CCDC150: variants seen among roughly 807,000 people sequenced by gnomAD.
CCDC150 encodes the protein coiled-coil domain containing 150, also known as coiled-coil domain-containing protein 150.
CCDC150 carries 151 observed loss-of-function variants against 156.5 expected under a neutral mutation model. The ratio of observed to expected loss-of-function variants is 0.97; its 90% CI spans 0.85 to 1.10. The LOEUF (loss-of-function observed/expected upper bound fraction) is 1.10. Among genes scored for constraint, CCDC150 ranks in the 50% least tolerant of loss-of-function variants. CCDC150 has a pLI of 0.00. For synonymous variants in CCDC150, 452 were observed against 429.4 expected, an observed-to-expected ratio of 1.05 and a Z score of -0.65; for missense variants, 1,312 against 1,268.1, an observed-to-expected ratio of 1.03 and a Z score of -0.53.
rs750478936 is a variant in CCDC150 at position 196,730,984 on chromosome 2, C to T, written c.3069+39C>T. On this transcript the variant is annotated intron_variant, in intron 26 of 27. Transcript: ENST00000389175. ...ACGGACATAAAGACTTAGACGTTTC[C>T]TTCAACACAGCAACCCTGAAGCAAC... The T allele has an allele frequency of 6.7e-6, 10 of 1,496,898 alleles. No homozygotes were observed. The East Asian group carries it at 2.2e-4, about 32-fold the overall frequency. The allele number at this position is 1,496,898 out of a possible 1,614,324, so 92.7% of individuals were successfully genotyped here.
chr2:196,661,395 G>C (rs1452063021), intron 5 of CCDC150, among the ~76,000 whole-genome samples: 1 of 152,044 alleles, frequency 6.6e-6, no homozygotes, highest in East Asian at 1.9e-4. Context: ...CTTCTAACTG[G>C]GTCCTCACAT....
At chr2:196,695,919 T>TA (rs1284124331) in intron 14 of CCDC150, among the ~76,000 whole-genome samples, 1 of 152,244 alleles carries the variant, frequency 6.6e-6, no homozygotes, top group African/African-American at 2.4e-5. Context: ...GAAAAAGTAT[T>TA]ACTTACTTGC....
intron 21 of CCDC150, 104 bp downstream of exon 21, chr2:196,721,795 C>A: frequency 1.1e-6 from 1 of 927,160 alleles, no homozygotes; most frequent in Non-Finnish European, 1.6e-6. Flanking sequence ...ACTCTTTTCT[C>A]CTACTTTGCC....
intron 13 of CCDC150, among the ~76,000 whole-genome samples, chr2:196,681,588 A>G (rs1694822012): frequency 1.3e-5 from 2 of 152,214 alleles, no homozygotes; most frequent in Non-Finnish European, 2.9e-5. Context: ...CATTCTCACC[A>G]GCGATGTACA....
intron 14 of CCDC150, among the ~76,000 whole-genome samples, chr2:196,695,907 A>G (rs946026294): frequency 6.6e-6 from 1 of 152,226 alleles, no homozygotes; most frequent in African/African-American, 2.4e-5. Context: ...TTTCGAATAC[A>G]TGAAAAAGTA....
At chr2:196,709,799 C>T (rs951073076) in intron 15 of CCDC150, among the ~76,000 whole-genome samples, 4 of 152,174 alleles carry the variant, frequency 2.6e-5, no homozygotes, top group African/African-American at 9.7e-5. Flanking sequence ...TGTTGGAGGT[C>T]CACTCCAGAC....
chr2:196,711,468 T>G (rs1035114683), intron 15 of CCDC150, among the ~76,000 whole-genome samples: 1 of 152,112 alleles, frequency 6.6e-6, no homozygotes, highest in Admixed American at 6.6e-5. Flanking sequence ...TTCGGTAACG[T>G]TAATTGTTGT....
chr2:196,718,173 A>G (rs567138718), intron 17 of CCDC150: 22 of 158,572 alleles, frequency 1.4e-4, no homozygotes, highest in Non-Finnish European at 2.6e-4. Context: ...TGCTTTTATA[A>G]TATCAATTTG....
At chr2:196,644,844 A>T (rs1322720767) in intron 1 of CCDC150, among the ~76,000 whole-genome samples, 1 of 151,946 alleles carries the variant, frequency 6.6e-6, no homozygotes, top group East Asian at 1.9e-4. Flanking sequence ...GCTGGGCGTG[A>T]TGGCTCATGC....
In CCDC150 at chr2:196,656,991, A is replaced by C. The variant is rs1423350962; in HGVS notation, c.431A>C (p.Glu144Ala). The C allele has an allele frequency of 1.2e-6, 2 of 1,613,680 alleles. No homozygotes were observed. The highest frequency in any genetic ancestry group is 3.3e-5 in the Admixed American group (2 of 59,944). Residue 144 changes from glutamate (E) to alanine (A), a missense_variant, in exon 4 of 28, where the codon GAA becomes GCA. Coordinates refer to ENST00000389175, the MANE Select transcript of CCDC150 (RefSeq NM_001080539.2). ...AAAGATCGACTGAATGCAATACAGGAAGAGCATTCTAAGGACCTGAAGCTG... is the reference window on the plus strand; with the variant it reads ...AAAGATCGACTGAATGCAATACAGGCAGAGCATTCTAAGGACCTGAAGCTG... ...FLKDRLNAIQEEHSKDLKLLH... is the reference protein window; with the variant it reads ...FLKDRLNAIQAEHSKDLKLLH...
At chr2:196,659,691 A>G (rs1693437143) in intron 5 of CCDC150, among the ~76,000 whole-genome samples, 1 of 152,118 alleles carries the variant, frequency 6.6e-6, no homozygotes, top group African/African-American at 2.4e-5. Context: ...TTTTTAGGGC[A>G]GTTTTAGGTT....
chr2:196,694,287 C>G (rs574086552), intron 13 of CCDC150, among the ~76,000 whole-genome samples: 2 of 152,072 alleles, frequency 1.3e-5, no homozygotes, highest in African/African-American at 4.8e-5. Flanking sequence ...AACTCTTGAC[C>G]TCAGGTGATC....
At chr2:196,654,995 G>T (rs1023861114) in intron 2 of CCDC150, among the ~76,000 whole-genome samples, 1 of 152,184 alleles carries the variant, frequency 6.6e-6, no homozygotes, top group African/African-American at 2.4e-5. Context: ...TTAGTACCAT[G>T]AGAGCAGTAA....
chr2:196,669,300 C>T (rs1694054820), intron 7 of CCDC150, among the ~76,000 whole-genome samples: 1 of 152,120 alleles, frequency 6.6e-6, no homozygotes, highest in South Asian at 2.1e-4. Flanking sequence ...CCCTATTTAG[C>T]TGAAGAGTCC....
At chr2:196,725,100 G>A (rs10173022) in intron 21 of CCDC150, among the ~76,000 whole-genome samples, 2,147 of 152,252 alleles carry the variant, frequency 0.014, 45 homozygotes, top group African/African-American at 0.05. Flanking sequence ...AGAGACACGT[G>A]GAGAACATGG....
rs1224566988 is a variant in CCDC150 at position 196,712,746 on chromosome 2, G to C, written c.1866+7G>C. ...AGATGCTCACCTGAAAGAAGTATTG[G>C]TAATGAAAGTGCTTACTTGTCAGCA... On this transcript the variant is annotated splice_region_variant and intron_variant, in intron 17 of 27. Coordinates refer to ENST00000389175, the MANE Select transcript of CCDC150 (RefSeq NM_001080539.2). 2 of 1,603,990 alleles carry C rather than the reference G, an allele frequency of 1.2e-6. No homozygotes were observed. The highest frequency in any genetic ancestry group is 1.7e-6 in the Non-Finnish European group (2 of 1,173,578).
At position 196,720,581 on chromosome 2, in the gene CCDC150, C is replaced by T. The variant is rs752523007; in HGVS notation, c.2172C>T (p.Leu724=). ...TTGTGCTTTTTATTTTTAGGGATCT[C>T]AATCAACAGAGGGTGCAGAAGCTGG... ...EIAGLKKERD[L]NQQRVQKLEA... The change falls in exon 20 of 28, where the codon CTC becomes CTT. Residue 724 remains leucine (L), a synonymous_variant. Coordinates refer to ENST00000389175, the MANE Select transcript of CCDC150 (RefSeq NM_001080539.2). 5 of 1,613,334 alleles carry T rather than the reference C, an allele frequency of 3.1e-6. No individual in the cohort carries two copies. The highest frequency in any genetic ancestry group is 4.2e-6 in the Non-Finnish European group (5 of 1,179,572).
intron 26 of CCDC150, 113 bp downstream of exon 26, chr2:196,731,058 A>C (rs1384974495): frequency 1.4e-6 from 1 of 693,022 alleles, no homozygotes; most frequent in African/African-American, 1.8e-5. Flanking sequence ...GGAATGCAAC[A>C]GGGAAGAACG....
chr2:196,671,520 T>A (rs943959506), intron 8 of CCDC150, among the ~76,000 whole-genome samples: 6 of 141,276 alleles, frequency 4.2e-5, no homozygotes, highest in Non-Finnish European at 9.1e-5. Flanking sequence ...CTCCACCTCC[T>A]GGGTTCAAGC....
Sources: allele counts gnomAD v4.1 joint callset (sites outside exome capture counted in the v4.1 genomes callset), GRCh38; gene constraint gnomAD v4.1.1; transcripts MANE v1.5; gene names NCBI Gene and HGNC (gene_info 2026-07-23, HGNC 2026-07-21).